Variants in BABAM2 observed in about 807,000 individuals in gnomAD.
The protein encoded by BABAM2 is BRISC and BRCA1 A complex member 2, also known as BRISC and BRCA1-A complex member 2.
Under a neutral mutation model 54.7 loss-of-function variants are expected in BABAM2, and 31 were observed. The ratio of observed to expected loss-of-function variants is 0.57; its 90% CI spans 0.43 to 0.77. BABAM2 has a LOEUF of 0.77. Ranked by LOEUF, BABAM2 falls within the 30% of genes least tolerant of loss-of-function variation. The pLI is 0.00. For synonymous variants in BABAM2, 167 were observed against 162.9 expected, an observed-to-expected ratio of 1.03 and a Z score of -0.19; for missense variants, 364 against 455.8, an observed-to-expected ratio of 0.80 and a Z score of 1.83.
intron 11 of BABAM2, chr2:28,308,418 T>A: frequency 1.9e-6 from 1 of 522,140 alleles, no homozygotes; most frequent in African/African-American, 1.9e-5. Context: ...GAGTCAGCCA[T>A]GAAGAAGATA....
intron 3 of BABAM2, among the ~76,000 whole-genome samples, chr2:27,983,306 C>G (rs1672153530): frequency 6.6e-6 from 1 of 152,112 alleles, no homozygotes; most frequent in African/African-American, 2.4e-5. Context: ...TTTATGGACT[C>G]TGAATTCTGT....
chr2:28,165,157 C>T (rs1240908681), intron 7 of BABAM2, among the ~76,000 whole-genome samples: 4 of 152,094 alleles, frequency 2.6e-5, no homozygotes, highest in Non-Finnish European at 5.9e-5. Flanking sequence ...GGGAGAAAGA[C>T]GTAAAGAATT....
chr2:28,318,692 CTG>C (rs780879809), intron 11 of BABAM2, among the ~76,000 whole-genome samples: 4 of 152,166 alleles, frequency 2.6e-5, no homozygotes, highest in Non-Finnish European at 5.9e-5. Flanking sequence ...GTTGATTTTG[CTG>C]TGTGTCTGTA....
At chr2:28,287,980 G>A (rs1393487462) in intron 10 of BABAM2, among the ~76,000 whole-genome samples, 1 of 152,272 alleles carries the variant, frequency 6.6e-6, no homozygotes, top group South Asian at 2.1e-4. Context: ...GGGACAGGAG[G>A]GGTTCCTACT....
intron 6 of BABAM2, among the ~76,000 whole-genome samples, chr2:28,077,904 C>T (rs962584067): frequency 2.6e-5 from 4 of 152,144 alleles, no homozygotes; most frequent in African/African-American, 9.7e-5. Context: ...AGGATGACCA[C>T]TTGGTTTCTG....
At chr2:28,014,611 T>C (rs1456774034) in intron 4 of BABAM2, among the ~76,000 whole-genome samples, 1 of 151,850 alleles carries the variant, frequency 6.6e-6, no homozygotes, top group Admixed American at 6.5e-5. Context: ...CTTTTTCTTT[T>C]TTTTTTTTTG....
At chr2:28,221,434 G>GTATT (rs779142305) in intron 7 of BABAM2, among the ~76,000 whole-genome samples, 1 of 152,012 alleles carries the variant, frequency 6.6e-6, no homozygotes, top group Non-Finnish European at 1.5e-5. Flanking sequence ...TCAGTTTGGG[G>GTATT]TATTTATTTA....
At chr2:28,180,829 T>C (rs949964441) in intron 7 of BABAM2, among the ~76,000 whole-genome samples, 2 of 152,080 alleles carry the variant, frequency 1.3e-5, no homozygotes, top group African/African-American at 4.8e-5. Context: ...CAGAAGAAGA[T>C]ACGCAAATTG....
At chr2:27,910,211 TAGC>T (rs1183348013) in intron 2 of BABAM2, among the ~76,000 whole-genome samples, 1 of 152,204 alleles carries the variant, frequency 6.6e-6, no homozygotes, top group African/African-American at 2.4e-5. Flanking sequence ...CTCCACCACC[TAGC>T]ATAGGACCTG....
At chr2:28,079,957 G>A (rs865814382) in intron 6 of BABAM2, among the ~76,000 whole-genome samples, 16 of 151,968 alleles carry the variant, frequency 1.1e-4, no homozygotes, top group African/African-American at 3.9e-4. Flanking sequence ...TACAAATCTA[G>A]GCTCATAGTT....
chr2:28,310,080 A>G (rs150302537), intron 11 of BABAM2: 2 of 1,614,196 alleles, frequency 1.2e-6, no homozygotes, highest in Non-Finnish European at 1.7e-6. Flanking sequence ...TTTTCCTTAC[A>G]GAAGAGAGAG....
At chr2:28,132,996 C>T (rs1370593393) in intron 7 of BABAM2, among the ~76,000 whole-genome samples, 1 of 152,134 alleles carries the variant, frequency 6.6e-6, no homozygotes, top group East Asian at 1.9e-4. Context: ...TTATACTTTT[C>T]CTGGTTGCTA....
At chr2:27,930,766 T>C (rs1334981095) in intron 3 of BABAM2, among the ~76,000 whole-genome samples, 1 of 152,222 alleles carries the variant, frequency 6.6e-6, no homozygotes, top group Non-Finnish European at 1.5e-5. Flanking sequence ...TATCAGCTTT[T>C]CTCTGTCACT....
intron 11 of BABAM2, among the ~76,000 whole-genome samples, chr2:28,301,701 A>G (rs558173880): frequency 6.6e-6 from 1 of 151,828 alleles, no homozygotes; most frequent in South Asian, 2.1e-4. Context: ...CATCCACTCT[A>G]CTTTGCCAGC....
At chr2:27,957,851 A>G (rs774488151) in intron 3 of BABAM2, among the ~76,000 whole-genome samples, 8 of 152,216 alleles carry the variant, frequency 5.3e-5, no homozygotes, top group Admixed American at 2.0e-4. Flanking sequence ...ATAAAAGGCA[A>G]TGAGGCTTTC....
chr2:28,067,384 C>T (rs111781420), intron 6 of BABAM2, among the ~76,000 whole-genome samples: 7 of 152,326 alleles, frequency 4.6e-5, no homozygotes, highest in African/African-American at 4.8e-5. Flanking sequence ...TTTTATACCA[C>T]GGTCATACTG....
intron 2 of BABAM2, among the ~76,000 whole-genome samples, chr2:27,909,763 A>G (rs1285434906): frequency 6.6e-6 from 1 of 152,176 alleles, no homozygotes; most frequent in African/African-American, 2.4e-5. Flanking sequence ...TGCTTCTCCC[A>G]TAGTAGAAGC....
intron 4 of BABAM2, among the ~76,000 whole-genome samples, chr2:28,008,699 A>G (rs577106960): frequency 6.6e-6 from 1 of 152,268 alleles, no homozygotes; most frequent in East Asian, 1.9e-4. Flanking sequence ...ACCATTGAGT[A>G]AGCTATTTGG....
At chr2:28,222,893 A>T (rs1036261890) in intron 7 of BABAM2, among the ~76,000 whole-genome samples, 1 of 152,210 alleles carries the variant, frequency 6.6e-6, no homozygotes, top group South Asian at 2.1e-4. Context: ...AGCCTGGACC[A>T]TGAGGCACCC....
Sources: allele counts gnomAD v4.1 joint callset (sites outside exome capture counted in the v4.1 genomes callset), GRCh38; gene constraint gnomAD v4.1.1; transcripts MANE v1.5; gene names NCBI Gene and HGNC (gene_info 2026-07-23, HGNC 2026-07-21).